FOXK1: variants seen among roughly 807,000 people sequenced by gnomAD.
FOXK1 encodes forkhead box K1, also known as forkhead box protein K1.
A neutral mutation model predicts 51.9 loss-of-function variants in FOXK1; 19 were observed. The ratio of observed to expected loss-of-function variants is 0.37; its 90% confidence interval spans 0.26 to 0.54. FOXK1 has a LOEUF of 0.54. FOXK1 is among the 20% of genes least tolerant of loss of function. FOXK1 has a pLI of 0.87. For missense variants in FOXK1, 870 were observed against 1,032.7 expected (o/e 0.84, Z 2.16); for synonymous variants, 537 against 482.6 (o/e 1.11, Z -1.48).
chr7:4,699,144 A>T (rs992625882), intron 1 of FOXK1, among the ~76,000 whole-genome samples: 2 of 152,064 alleles, frequency 1.3e-5, no homozygotes, highest in Non-Finnish European at 2.9e-5. Context: ...GTCATTACTG[A>T]CCTTGACATT....
In FOXK1 at chr7:4,759,718, C is replaced by T. The variant is rs1780906944; in HGVS notation, c.1696+123C>T. ...GAGGAGGATGATTCTCTGCTTCTGC[C>T]TCTCGCTGCCTTGTCCCTTTAAATC... On this transcript the variant is annotated intron_variant, in intron 7 of 8. Transcript: ENST00000328914. 9.6e-6 allele frequency: 11 copies of T among 1,150,330 alleles called. No homozygotes were observed. The East Asian group carries it at 2.8e-4, about 30-fold the overall frequency. 71.3% of individuals were successfully genotyped at this position (1,150,330 alleles called of 1,614,324 possible). A position where few individuals can be genotyped will look rare whatever the true frequency, so the allele number is the denominator to read the frequency against.
At chr7:4,686,975 G>C (rs28405484) in intron 1 of FOXK1, among the ~76,000 whole-genome samples, 23,234 of 148,562 alleles carry the variant, frequency 0.16, 3,784 homozygotes, top group African/African-American at 0.42. Context: ...CTCTGTCACC[G>C]AGGCTGGAGT....
In FOXK1 at chr7:4,758,760, C is replaced by CTGGA. The variant is rs1182506899; in HGVS notation, c.1245-290_1245-287dup. 2.6e-6 allele frequency: 1 copy of CTGGA among 385,808 alleles called. No homozygotes were observed. The highest frequency in any genetic ancestry group is 2.1e-5 in the African/African-American group (1 of 47,490). 23.9% of individuals were successfully genotyped at this position (385,808 alleles called of 1,614,324 possible). A position where few individuals can be genotyped will look rare whatever the true frequency, so the allele number is the denominator to read the frequency against. ...CTGGGCCATTTTCATGGACACCTGG[C>CTGGA]TGGACCTCGGTGGAAGTGAACTCCG... On this transcript the variant is annotated intron_variant, in intron 5 of 8. Coordinates refer to ENST00000328914, the MANE Select transcript of FOXK1 (RefSeq NM_001037165.2). This position sits in a 1 kb window ranked among gnomAD's most constrained non-coding sequence, Gnocchi z 4.4.
At position 4,768,534 on chromosome 7, in the gene FOXK1, C is replaced by T. The variant is rs576028981; in HGVS notation, c.*6070C>T. 6.6e-6 allele frequency: 1 copy of T among 152,644 alleles called. No homozygotes were observed. Among genetic ancestry groups the T allele is most frequent in the Non-Finnish European group, 1.5e-5 (1 of 68,278 alleles). The allele number at this position is 152,644 out of a possible 1,614,324, so 9.5% of individuals were successfully genotyped here. The stretch of plus-strand genomic sequence containing the variant: ...GGGCTTTTCCGGCCCCGTCCCAGCT[C>T]CTCCTCAGGCAGAGGCTGCAGCCCT... On this transcript the variant is annotated 3_prime_UTR_variant, in exon 9 of 9. Transcript: ENST00000328914.
intron 1 of FOXK1, among the ~76,000 whole-genome samples, chr7:4,686,429 G>T (rs920901260): frequency 3.3e-5 from 5 of 152,088 alleles, no homozygotes; most frequent in African/African-American, 1.2e-4. Context: ...TTTAATTATT[G>T]GTGGGGGAAA....
intron 1 of FOXK1, among the ~76,000 whole-genome samples, chr7:4,705,700 G>T (rs796204941): frequency 2.6e-5 from 4 of 151,350 alleles, no homozygotes; most frequent in Non-Finnish European, 4.4e-5. Context: ...CACCATGCCC[G>T]GCTAATTTTT....
In FOXK1 at chr7:4,746,227, C is replaced by T. The variant is rs564856649; in HGVS notation, c.746+5204C>T. On this transcript the variant is annotated intron_variant, in intron 2 of 8. Coordinates refer to ENST00000328914, the MANE Select transcript of FOXK1 (RefSeq NM_001037165.2). ...GACTTCAAAATCTTTCCCTTTTAATCATGATTTTTAAACAGTTCTGTCTTA... is the reference window on the plus strand; with the variant it reads ...GACTTCAAAATCTTTCCCTTTTAATTATGATTTTTAAACAGTTCTGTCTTA... 2.0e-5 allele frequency among the ~76,000 whole-genome samples: 3 copies of T among 152,306 alleles called. No individual in the cohort carries two copies. The South Asian group carries it at 6.2e-4, about 32-fold the overall frequency.
intron 1 of FOXK1, among the ~76,000 whole-genome samples, chr7:4,700,673 A>AGGTGTGGTAT (rs1780009919): frequency 6.6e-6 from 1 of 151,984 alleles, no homozygotes. Context: ...AAAATTAGCC[A>AGGTGTGGTAT]GGTGTGGTAT....
chr7:4,698,558 G>A (rs767845147), intron 1 of FOXK1, among the ~76,000 whole-genome samples: 1 of 152,034 alleles, frequency 6.6e-6, no homozygotes, highest in Non-Finnish European at 1.5e-5. Context: ...CCTCTTTGTT[G>A]TTGTTGTTGT....
At chr7:4,702,430 C>G (rs1360139474) in intron 1 of FOXK1, among the ~76,000 whole-genome samples, 1 of 152,168 alleles carries the variant, frequency 6.6e-6, no homozygotes, top group Non-Finnish European at 1.5e-5. Flanking sequence ...GCAACCTCTA[C>G]CTCCCTGGTT....
intron 1 of FOXK1, among the ~76,000 whole-genome samples, chr7:4,708,280 T>A (rs1198187461): frequency 2.6e-5 from 4 of 152,178 alleles, no homozygotes; most frequent in Admixed American, 1.3e-4. Flanking sequence ...GAGTCCCCGA[T>A]GCTTTGTAAA....
Position 4,761,308 on chromosome 7 carries a change from C to G in FOXK1, c.1921+20C>G, listed in dbSNP as rs1218628458. On this transcript the variant is annotated intron_variant, in intron 8 of 8. Coordinates refer to ENST00000328914, the MANE Select transcript of FOXK1 (RefSeq NM_001037165.2). The surrounding 1 kb of genome is among the most constrained non-coding windows in gnomAD (Gnocchi z 6.2). The stretch of plus-strand genomic sequence containing the variant: ...CTTACGGTGAGGCCCTGGCCCTGTT[C>G]TCCATGCCACATCCCAAGCTCTGTG... 6.2e-7 allele frequency: 1 copy of G among 1,601,872 alleles called. No homozygotes were observed.
At chr7:4,695,268 C>A (rs1238973699) in intron 1 of FOXK1, among the ~76,000 whole-genome samples, 3 of 152,244 alleles carry the variant, frequency 2.0e-5, no homozygotes, top group African/African-American at 7.2e-5. Context: ...CCAGGGAACA[C>A]TTGCAGCCCT....
At chr7:4,698,308 G>A (rs1025771211) in intron 1 of FOXK1, among the ~76,000 whole-genome samples, 1 of 150,194 alleles carries the variant, frequency 6.7e-6, no homozygotes, top group Non-Finnish European at 1.5e-5. Flanking sequence ...ATATGTATGT[G>A]TGTGTATATA....
intron 7 of FOXK1, chr7:4,759,962 C>G (rs890879095): frequency 6.8e-6 from 2 of 295,860 alleles, no homozygotes. Context: ...AGCCTGGAGG[C>G]AGAGGTTGCA....
At chr7:4,712,873 C>G (rs1423351835) in intron 1 of FOXK1, among the ~76,000 whole-genome samples, 1 of 152,212 alleles carries the variant, frequency 6.6e-6, no homozygotes, top group African/African-American at 2.4e-5. Context: ...TCATTGCTCT[C>G]TGTTCTGTTT....
In FOXK1 at chr7:4,721,716, A is replaced by C. The variant is rs565542926; in HGVS notation, c.561-19122A>C. ...AGCAGTTCTTCTGCGTCAGCCTCCC[A>C]AGCAGCTGGGATTACAGGCGTGAGA... On this transcript the variant is annotated intron_variant, in intron 1 of 8. Coordinates refer to ENST00000328914, the MANE Select transcript of FOXK1 (RefSeq NM_001037165.2). Among the ~76,000 whole-genome samples, 7 of 147,246 alleles carry C rather than the reference A, an allele frequency of 4.8e-5. 1 individual carries two copies. In the East Asian group the frequency reaches 1.4e-3, roughly 29 times the overall value.
In FOXK1 at chr7:4,734,362, G is replaced by A. The variant is rs1192216842; in HGVS notation, c.561-6476G>A. The stretch of plus-strand genomic sequence containing the variant: ...AGATTTCCCGTTTCCCCTGGCTGTG[G>A]CTCTTGTGGTCCTGGCCTTGGTGGG... On this transcript the variant is annotated intron_variant, in intron 1 of 8. Coordinates refer to ENST00000328914, the MANE Select transcript of FOXK1 (RefSeq NM_001037165.2). The surrounding 1 kb of genome is among the most constrained non-coding windows in gnomAD (Gnocchi z 5.2). 6.6e-6 allele frequency among the ~76,000 whole-genome samples: 1 copy of A among 152,188 alleles called. No homozygotes were observed. Among genetic ancestry groups the A allele is most frequent in the African/African-American group, 2.4e-5 (1 of 41,440 alleles).
rs953034120 is a variant in FOXK1, at chr7:4,709,492, C to A, written c.560+26624C>A. On this transcript the variant is annotated intron_variant, in intron 1 of 8. Coordinates refer to ENST00000328914, the MANE Select transcript of FOXK1 (RefSeq NM_001037165.2). The surrounding 1 kb of genome is among the most constrained non-coding windows in gnomAD (Gnocchi z 5.6). Reference sequence around the variant, plus strand: ...TCGAGGCTGGCCCACCCCTGCTGGCCCGCGACCCCTGCTGGCAGATCGAGG... The same window carrying A: ...TCGAGGCTGGCCCACCCCTGCTGGCACGCGACCCCTGCTGGCAGATCGAGG... Among the ~76,000 whole-genome samples the A allele has an allele frequency of 6.6e-6, 1 of 152,066 alleles. No individual in the cohort carries two copies. The highest frequency in any genetic ancestry group is 1.5e-5 in the Non-Finnish European group (1 of 68,014).
Sources: allele counts gnomAD v4.1 joint callset (sites outside exome capture counted in the v4.1 genomes callset), GRCh38; gene constraint gnomAD v4.1.1; non-coding constraint Gnocchi (gnomAD v3.1); transcripts MANE v1.5; gene names NCBI Gene and HGNC (gene_info 2026-07-23, HGNC 2026-07-21).